Variants in NTRK2 observed in about 807,000 individuals in gnomAD.
NTRK2 encodes the protein BDNF/NT-3 growth factors receptor.
Under a neutral mutation model 94.5 loss-of-function variants are expected in NTRK2, and 13 were observed. The ratio of observed to expected loss-of-function variants is 0.14; its 90% CI spans 0.09 to 0.22. The LOEUF (loss-of-function observed/expected upper bound fraction) is 0.22. Among genes scored for constraint, NTRK2 ranks in the 10% least tolerant of loss-of-function variants. The pLI, the probability that NTRK2 is intolerant of heterozygous loss-of-function variation, is 1.00. For missense variants in NTRK2, 639 were observed against 1,071.2 expected (o/e 0.60, Z 5.63); for synonymous variants, 372 against 407.4 (o/e 0.91, Z 1.05).
At chr9:85,008,576 ACCT>A (rs998268122) in intron 17 of NTRK2, among the ~76,000 whole-genome samples, 5 of 152,144 alleles carry the variant, frequency 3.3e-5, no homozygotes, top group African/African-American at 1.2e-4. Context: ...TCTCACTTGA[ACCT>A]CAGAGGTAAG....
At chr9:84,939,181 T>C (rs1899638) in intron 15 of NTRK2, among the ~76,000 whole-genome samples, 21,758 of 151,884 alleles carry the variant, frequency 0.14, 2,308 homozygotes, top group African/African-American at 0.29. Flanking sequence ...ACTGTAAAGA[T>C]GATATATATA....
At chr9:84,799,864 A>G (rs1297155179) in intron 12 of NTRK2, among the ~76,000 whole-genome samples, 1 of 152,182 alleles carries the variant, frequency 6.6e-6, no homozygotes, top group Non-Finnish European at 1.5e-5. Flanking sequence ...TACAGCAATA[A>G]ACATCTAAAC....
chr9:84,888,531 T>G (rs2076485918), intron 14 of NTRK2, among the ~76,000 whole-genome samples: 1 of 141,442 alleles, frequency 7.1e-6, no homozygotes, highest in South Asian at 2.3e-4. Context: ...GAGAATCGCT[T>G]GAACCCGGGA....
intron 13 of NTRK2, 27 bp from the exon 14 acceptor site, chr9:84,867,216 A>G (rs1305557737): frequency 1.2e-6 from 2 of 1,608,792 alleles, no homozygotes; most frequent in Non-Finnish European, 1.7e-6. Flanking sequence ...TGATTACAGG[A>G]GAATATATAT....
chr9:84,754,012 C>T (rs543567824), intron 12 of NTRK2, among the ~76,000 whole-genome samples: 58 of 152,250 alleles, frequency 3.8e-4, no homozygotes, highest in African/African-American at 1.4e-3. Flanking sequence ...GGAGAAAAAG[C>T]GTAGACATTT....
At chr9:84,925,145 T>C (rs1199465977) in intron 14 of NTRK2, among the ~76,000 whole-genome samples, 1 of 151,834 alleles carries the variant, frequency 6.6e-6, no homozygotes, top group Non-Finnish European at 1.5e-5. Context: ...TCTCTGCACC[T>C]TCCCTAGGAA....
chr9:84,752,048 G>A lies in NTRK2; in HGVS notation c.1359G>A (p.Leu453=), dbSNP rs2132496606. 1 of 1,614,028 alleles carries A rather than the reference G, an allele frequency of 6.2e-7. No individual in the cohort carries two copies. ...VGFCLLVMLF[L]LKLARHSKFG... ...TTTGCCTTTTGGTAATGCTGTTTCT[G>A]CTTAAGTTGGCAAGACACTCCAAGT... The change falls in exon 12 of 19, where the codon CTG becomes CTA. Residue 453 remains leucine (L), a synonymous_variant. Coordinates refer to ENST00000277120, the MANE Select transcript of NTRK2 (RefSeq NM_006180.6).
At chr9:84,784,034 G>C (rs1033304752) in intron 12 of NTRK2, among the ~76,000 whole-genome samples, 6 of 152,126 alleles carry the variant, frequency 3.9e-5, no homozygotes, top group Non-Finnish European at 7.3e-5. Context: ...TTAGCAGGCT[G>C]TAAAGGTAAG....
At chr9:84,983,905 A>C (rs1027023817) in intron 17 of NTRK2, among the ~76,000 whole-genome samples, 1 of 152,214 alleles carries the variant, frequency 6.6e-6, no homozygotes, top group East Asian at 1.9e-4. Flanking sequence ...GGTGGAAGAC[A>C]TGGGACAGTG....
chr9:84,951,575 C>G (rs188694555), intron 16 of NTRK2, among the ~76,000 whole-genome samples: 4 of 152,148 alleles, frequency 2.6e-5, no homozygotes, highest in African/African-American at 7.2e-5. Context: ...CAACTTGACT[C>G]TTTCACTTTC....
intron 17 of NTRK2, among the ~76,000 whole-genome samples, chr9:85,015,407 G>T (rs1033457562): frequency 6.6e-6 from 1 of 152,276 alleles, no homozygotes; most frequent in South Asian, 2.1e-4. Flanking sequence ...GTTTCCATCT[G>T]TCTCATCTAA....
At chr9:84,739,031 A>T (rs71506666) in intron 9 of NTRK2, among the ~76,000 whole-genome samples, 12,960 of 151,792 alleles carry the variant, frequency 0.085, 992 homozygotes, top group African/African-American at 0.2. Flanking sequence ...ACCTATTTTT[A>T]ATTAAATTAA....
chr9:84,957,857 A>G (rs893315371), intron 17 of NTRK2, among the ~76,000 whole-genome samples: 17 of 152,262 alleles, frequency 1.1e-4, no homozygotes, highest in Non-Finnish European at 2.9e-5. Context: ...CCATCAACTG[A>G]TTAATGAATA....
intron 9 of NTRK2, among the ~76,000 whole-genome samples, chr9:84,739,629 TAAAAGC>T (rs964477203): frequency 1.3e-5 from 2 of 152,136 alleles, no homozygotes; most frequent in Non-Finnish European, 2.9e-5. Context: ...GCTGTAGGTG[TAAAAGC>T]GATGGTGACC....
Position 84,723,645 on chromosome 9 carries a change from G to T in NTRK2, c.656G>T (p.Ser219Ile). The T allele has an allele frequency of 6.2e-7, 1 of 1,614,122 alleles. No homozygotes were observed. Among genetic ancestry groups the T allele is most frequent in the East Asian group, 2.2e-5 (1 of 44,872 alleles). Residue 219 changes from serine (S) to isoleucine (I), a missense_variant, in exon 7 of 19, where the codon AGT (serine) becomes ATT (isoleucine). Around this residue, in one of 5 missense-constraint regions of NTRK2, gnomAD observed 12 missense variants for 27.8 expected, o/e 0.43. Coordinates refer to ENST00000277120, the MANE Select transcript of NTRK2 (RefSeq NM_006180.6). Reference protein sequence around the residue: ...EEGKSITLSCSVAGDPVPNMY... With the variant: ...EEGKSITLSCIVAGDPVPNMY... ...GGAAAGTCTATCACATTATCCTGTA[G>T]TGTGGCAGGTGATCCGGTTCCTAAT... is the stretch of plus-strand genomic sequence containing the variant.
chr9:84,940,111 G>C (rs1420981381), intron 15 of NTRK2, among the ~76,000 whole-genome samples: 9 of 152,120 alleles, frequency 5.9e-5, no homozygotes, highest in African/African-American at 2.2e-4. Context: ...ACTGACCCTT[G>C]GAAATGAAAG....
chr9:84,809,289 T>C (rs2071476039), intron 12 of NTRK2, among the ~76,000 whole-genome samples: 1 of 152,024 alleles, frequency 6.6e-6, no homozygotes, highest in African/African-American at 2.4e-5. Flanking sequence ...GTATTTGAGG[T>C]CAAGGAACTG....
chr9:84,832,926 A>G (rs1461176333), intron 12 of NTRK2, among the ~76,000 whole-genome samples: 1 of 152,008 alleles, frequency 6.6e-6, no homozygotes, highest in Non-Finnish European at 1.5e-5. Context: ...CCGCACCTGG[A>G]TAGATTGGAT....
chr9:84,920,563 G>C (rs1049388168), intron 14 of NTRK2, among the ~76,000 whole-genome samples: 1 of 152,092 alleles, frequency 6.6e-6, no homozygotes, highest in African/African-American at 2.4e-5. Context: ...TCCACCAAAT[G>C]GGGCAGTCCT....
Sources: gnomAD v4.1 joint callset for allele counts (sites outside exome capture counted in the v4.1 genomes callset) on GRCh38, gnomAD v4.1.1 for gene constraint, gnomAD v4.1.1 regional missense constraint, MANE v1.5 for transcripts, NCBI Gene and HGNC (gene_info 2026-07-23, HGNC 2026-07-21) for gene names.